The following PTP4A2 variants were observed in gnomAD, a reference collection of about 807,000 sequenced individuals.
PTP4A2 encodes protein tyrosine phosphatase 4A2, also known as protein tyrosine phosphatase type IVA 2.
PTP4A2 carries 2 observed loss-of-function variants against 22.9 expected under a neutral mutation model. The ratio of observed to expected loss-of-function variants is 0.09; its 90% CI spans 0.04 to 0.27. The LOEUF (loss-of-function observed/expected upper bound fraction) is 0.27. PTP4A2 is among the 10% of genes least tolerant of loss of function. The pLI, the probability that PTP4A2 is intolerant of heterozygous loss-of-function variation, is 1.00. For synonymous variants in PTP4A2, 68 were observed against 69.1 expected, an observed-to-expected ratio of 0.98 and a Z score of 0.08; for missense variants, 103 against 205.1, an observed-to-expected ratio of 0.50 and a Z score of 3.04.
intron 5 of PTP4A2, 56 bp downstream of exon 5, chr1:31,909,982 T>C: frequency 6.9e-7 from 1 of 1,447,844 alleles, no homozygotes; most frequent in Non-Finnish European, 9.6e-7. Flanking sequence ...CCATAATTCC[T>C]TCCTCATGCA....
chr1:31,917,440 A>T (rs1421086165), intron 2 of PTP4A2, among the ~76,000 whole-genome samples: 1 of 152,198 alleles, frequency 6.6e-6, no homozygotes, highest in Non-Finnish European at 1.5e-5. Flanking sequence ...CAGGAATTTT[A>T]AAAATGTTTC....
chr1:31,921,833 T>C (rs901094004), intron 1 of PTP4A2: 3 of 152,226 alleles, frequency 2.0e-5, no homozygotes, highest in African/African-American at 7.2e-5. Flanking sequence ...AAGCTTTTTT[T>C]ATGATACTCT....
intron 1 of PTP4A2, among the ~76,000 whole-genome samples, chr1:31,921,192 TGA>T (rs757512136): frequency 3.3e-5 from 5 of 152,172 alleles, no homozygotes; most frequent in Non-Finnish European, 7.3e-5. Context: ...TCACAAGTCT[TGA>T]GTAGTTGTTA....
At chr1:31,936,603 A>C (rs1187439609) in intron 1 of PTP4A2, among the ~76,000 whole-genome samples, 2 of 152,198 alleles carry the variant, frequency 1.3e-5, no homozygotes, top group African/African-American at 4.8e-5. Context: ...CTCTTCAAGA[A>C]TCCCTACTTT....
At chr1:31,937,671 TCCC>T (rs1250582920) in intron 1 of PTP4A2, 1 of 135,634 alleles carries the variant, frequency 7.4e-6, no homozygotes, top group Non-Finnish European at 1.6e-5. Context: ...TCACCCACAT[TCCC>T]CCAACATCGA....
intron 1 of PTP4A2, chr1:31,933,123 TC>T (rs1652791316): frequency 6.6e-6 from 1 of 152,274 alleles, no homozygotes; most frequent in Admixed American, 6.5e-5. Flanking sequence ...CACTTCAGCC[TC>T]CTGAGTAGCT....
intron 2 of PTP4A2, 77 bp downstream of exon 2, chr1:31,918,893 G>C (rs1456152447): frequency 4.7e-6 from 4 of 856,458 alleles, no homozygotes; most frequent in Admixed American, 3.8e-5. Context: ...AGAATAAATG[G>C]CTTTGTGCTA....
chr1:31,930,076 C>T (rs564112969), intron 1 of PTP4A2, among the ~76,000 whole-genome samples: 5 of 152,332 alleles, frequency 3.3e-5, no homozygotes, highest in East Asian at 1.9e-4. Context: ...TGGTGGCTCA[C>T]GCCTGTAATC....
At chr1:31,910,957 G>T (rs544051631) in intron 4 of PTP4A2, 5 of 152,290 alleles carry the variant, frequency 3.3e-5, no homozygotes, top group East Asian at 1.9e-4. Flanking sequence ...GCCCATTACA[G>T]GGCACCAATT....
intron 1 of PTP4A2, among the ~76,000 whole-genome samples, chr1:31,929,054 T>A (rs1229103890): frequency 6.6e-6 from 1 of 152,230 alleles, no homozygotes; most frequent in Non-Finnish European, 1.5e-5. Context: ...GTTGTCCTTT[T>A]CTAGTAATTT....
intron 1 of PTP4A2, among the ~76,000 whole-genome samples, chr1:31,927,630 G>A (rs1183326226): frequency 6.6e-6 from 1 of 152,218 alleles, no homozygotes; most frequent in Non-Finnish European, 1.5e-5. Context: ...GAGACAAGTA[G>A]ATATAATGGT....
At chr1:31,937,674 C>T (rs1469471546) in intron 1 of PTP4A2, 1 of 152,826 alleles carries the variant, frequency 6.5e-6, no homozygotes, top group Non-Finnish European at 1.5e-5. Flanking sequence ...CCCACATTCC[C>T]CCAACATCGA....
intron 1 of PTP4A2, among the ~76,000 whole-genome samples, chr1:31,930,434 A>T (rs540228962): frequency 6.6e-6 from 1 of 152,212 alleles, no homozygotes; most frequent in Non-Finnish European, 1.5e-5. Flanking sequence ...TATTGAGCGT[A>T]TTTAAAGGTC....
At chr1:31,936,916 C>A (rs1557870625) in intron 1 of PTP4A2, among the ~76,000 whole-genome samples, 1 of 152,202 alleles carries the variant, frequency 6.6e-6, no homozygotes, top group Non-Finnish European at 1.5e-5. Context: ...TCCGGACAGA[C>A]AAACATTTGC....
intron 1 of PTP4A2, among the ~76,000 whole-genome samples, chr1:31,933,489 T>C (rs1652809956): frequency 6.6e-6 from 1 of 152,128 alleles, no homozygotes; most frequent in Non-Finnish European, 1.5e-5. Flanking sequence ...CCCAGTACTT[T>C]GGGAGGCTGA....
chr1:31,909,038 TA>T (rs1651391803), intron 5 of PTP4A2, 78 bp from the exon 6 acceptor site: 1 of 1,034,880 alleles, frequency 9.7e-7, no homozygotes, highest in South Asian at 1.3e-5. Context: ...ATTTACATCC[TA>T]AAGCCTTTCT....
Position 31,938,294 on chromosome 1 carries a change from C to G in PTP4A2, c.-901G>C, listed in dbSNP as rs1464202127. On this transcript the variant is annotated 5_prime_UTR_variant, in exon 1 of 6. Transcript: ENST00000647444. This position sits in a 1 kb window ranked among gnomAD's most constrained non-coding sequence, Gnocchi z 4.4. ...CCGTGCCCGGCCGCCGCTGCCGCTC[C>G]AGCCGCTCCCGGACAGACGACGGTT... The G allele has an allele frequency of 6.7e-6, 1 of 149,730 alleles. No individual in the cohort carries two copies. Among genetic ancestry groups the G allele is most frequent in the Non-Finnish European group, 1.5e-5 (1 of 67,000 alleles). The allele number at this position is 149,730 out of a possible 1,614,324, so 9.3% of individuals were successfully genotyped here.
chr1:31,910,285 AT>A (rs947303130), intron 4 of PTP4A2, 173 bp from the exon 5 acceptor site: 16,065 of 424,248 alleles, frequency 0.038, no homozygotes, highest in South Asian at 0.06. Context: ...TAATTCTATG[AT>A]TTTTTTTTTT....
At chr1:31,935,326 T>C (rs373733120) in intron 1 of PTP4A2, among the ~76,000 whole-genome samples, 11 of 152,122 alleles carry the variant, frequency 7.2e-5, no homozygotes, top group African/African-American at 2.7e-4. Flanking sequence ...TCCTCCCACA[T>C]AAAAGCCTAG....
Sources: allele counts gnomAD v4.1 joint callset (sites outside exome capture counted in the v4.1 genomes callset), GRCh38; gene constraint gnomAD v4.1.1; non-coding constraint Gnocchi (gnomAD v3.1); transcripts MANE v1.5; gene names NCBI Gene and HGNC (gene_info 2026-07-23, HGNC 2026-07-21).